C20orf144: variants seen among roughly 807,000 people sequenced by gnomAD.
C20orf144 encodes the protein uncharacterized protein C20orf144.
In C20orf144, 8 loss-of-function variants were observed where a neutral mutation model predicts 3.8. The observed-to-expected ratio is 2.11, with a 90% confidence interval of 1.24 to 3.80. The LOEUF is 3.80. Ranked by LOEUF, C20orf144 falls within the 30% of genes most tolerant of loss-of-function variation. C20orf144 has a pLI of 0.00. For missense variants in C20orf144, 289 were observed against 224.5 expected (o/e 1.29, Z -1.83); for synonymous variants, 126 against 104.1 (o/e 1.21, Z -1.28).
intron 1 of C20orf144, 97 bp from the exon 2 acceptor site, chr20:33,663,435 G>A (rs2017544516): frequency 2.3e-6 from 3 of 1,324,534 alleles, no homozygotes; most frequent in East Asian, 2.7e-5. Flanking sequence ...GACAGGACCC[G>A]GGTGGACGAG....
In C20orf144 at chr20:33,663,820, G is replaced by A; in HGVS notation, c.415G>A (p.Glu139Lys). ...GGCTCCCCGCGAAGCCGGCCCCGCC[G>A]AGGAGCAGCCGCGCAAACGGTGCCG... ...GKAPREAGPA[E>K]EQPRKRCRCP... Residue 139 changes from glutamate to lysine, a missense_variant, in exon 2 of 2, where the codon GAG (glutamate) becomes AAG (lysine). Physicochemically the swap from Glu to Lys is moderately conservative, Grantham distance 56 (BLOSUM62 1). Coordinates refer to ENST00000375222, the MANE Select transcript of C20orf144 (RefSeq NM_080825.4). 3 of 1,357,454 alleles carry A rather than the reference G, an allele frequency of 2.2e-6. No homozygotes were observed. Among genetic ancestry groups the A allele is most frequent in the African/African-American group, 1.6e-5 (1 of 63,254 alleles). 84.1% of individuals were successfully genotyped at this position (1,357,454 alleles called of 1,614,324 possible).
rs915519687 is a variant in C20orf144, at chr20:33,663,348, G to T, written c.127-184G>T. ...TCCGGGGCGCCACGCAGGGAAGGGCGGGCTTCCCCGCGGCCTGAATTGGAC... is the reference window on the plus strand; with the variant it reads ...TCCGGGGCGCCACGCAGGGAAGGGCTGGCTTCCCCGCGGCCTGAATTGGAC... On this transcript the variant is annotated intron_variant, in intron 1 of 1. Coordinates refer to ENST00000375222, the MANE Select transcript of C20orf144 (RefSeq NM_080825.4). The T allele has an allele frequency of 6.5e-6, 4 of 612,756 alleles. No individual in the cohort carries two copies. The East Asian group carries it at 1.3e-4, about 20-fold the overall frequency. 38.0% of individuals were successfully genotyped at this position (612,756 alleles called of 1,614,324 possible).
intron 1 of C20orf144, chr20:33,662,802 G>C (rs2017522558): frequency 3.6e-6 from 1 of 277,406 alleles, no homozygotes; most frequent in Admixed American, 4.9e-5. Context: ...GCTGGTTGTG[G>C]TGGTGAATGC....
At chr20:33,662,680 C>T in intron 1 of C20orf144, 1 of 579,360 alleles carries the variant, frequency 1.7e-6, no homozygotes, top group South Asian at 2.2e-5. Flanking sequence ...TGGCTCACGC[C>T]TGTAATCCCA....
Position 33,662,619 on chromosome 20 carries a change from G to C in C20orf144, c.126+148G>C, listed in dbSNP as rs1298600995. 4.3e-6 allele frequency: 4 copies of C among 939,188 alleles called. No homozygotes were observed. In the South Asian group the frequency reaches 6.8e-5, roughly 16 times the overall value. The allele number at this position is 939,188 out of a possible 1,614,324, so 58.2% of individuals were successfully genotyped here. ...GGAGGAATTCGAAAATCTCTCCCAA[G>C]GATGAGGATCCCAGGAGCCCATATG... is the stretch of plus-strand genomic sequence containing the variant. On this transcript the variant is annotated intron_variant, in intron 1 of 1. Coordinates refer to ENST00000375222, the MANE Select transcript of C20orf144 (RefSeq NM_080825.4).
Position 33,663,637 on chromosome 20 carries a change from C to T in C20orf144, c.232C>T (p.Pro78Ser), listed in dbSNP as rs2122484534. ...SGAGLGSPAA[P>S]RLRGAGEGSE... Reference sequence around the variant, plus strand: ...CGCTGGGCTGGGCTCCCCGGCGGCACCCAGATTGCGCGGAGCGGGCGAAGG... The same window carrying T: ...CGCTGGGCTGGGCTCCCCGGCGGCATCCAGATTGCGCGGAGCGGGCGAAGG... Residue 78 changes from proline (P) to serine (S), a missense_variant, in exon 2 of 2, where the codon CCC becomes TCC. Transcript: ENST00000375222. 6.2e-7 allele frequency: 1 copy of T among 1,607,198 alleles called. No individual in the cohort carries two copies. Among genetic ancestry groups the T allele is most frequent in the Non-Finnish European group, 8.5e-7 (1 of 1,179,058 alleles).
In C20orf144 at chr20:33,663,759, G is replaced by T. The variant is rs763960798; in HGVS notation, c.354G>T (p.Trp118Cys). ...GCGGGGCCAGGGCAGCTCTGAGCTGGCCGCGGCTGCTCTCGCGCTTCCGGT... is the reference window on the plus strand; with the variant it reads ...GCGGGGCCAGGGCAGCTCTGAGCTGTCCGCGGCTGCTCTCGCGCTTCCGGT... ...EEGGARAALSWPRLLSRFRSP... is the reference protein window; with the variant it reads ...EEGGARAALSCPRLLSRFRSP... Residue 118 changes from tryptophan to cysteine, a missense_variant, in exon 2 of 2, where the codon TGG becomes TGT. Physicochemically the swap from Trp to Cys is radical, Grantham distance 215. Transcript: ENST00000375222. 80 of 1,461,012 alleles carry T rather than the reference G, an allele frequency of 5.5e-5. No homozygotes were observed. Among genetic ancestry groups the T allele is most frequent in the Non-Finnish European group, 2.1e-5 (23 of 1,114,876 alleles). 90.5% of individuals were successfully genotyped at this position (1,461,012 alleles called of 1,614,324 possible). A position where few individuals can be genotyped will look rare whatever the true frequency, so the allele number is the denominator to read the frequency against.
chr20:33,663,497 C>G, intron 1 of C20orf144, 35 bp from the exon 2 acceptor site: 1 of 1,587,536 alleles, frequency 6.3e-7, no homozygotes, highest in African/African-American at 1.4e-5. Flanking sequence ...GGCCCTAGCG[C>G]GCTCTCCCGC....
At position 33,662,505 on chromosome 20, in the gene C20orf144, G is replaced by A. The variant is rs149331538; in HGVS notation, c.126+34G>A. ...GGGGGATGGGGAGCAGGGCTGGGGA[G>A]GCAGCTGGGGGGCAGAGAAAGCTGG... On this transcript the variant is annotated intron_variant, in intron 1 of 1. Coordinates refer to ENST00000375222, the MANE Select transcript of C20orf144 (RefSeq NM_080825.4). The A allele has an allele frequency of 1.1e-4, 177 of 1,546,224 alleles. 1 individual carries two copies. In the East Asian group the frequency reaches 3.1e-3, roughly 27 times the overall value.
chr20:33,663,434 C>G lies in C20orf144; in HGVS notation c.127-98C>G, dbSNP rs2017544445. On this transcript the variant is annotated intron_variant, in intron 1 of 1. Transcript: ENST00000375222. ...CAGGACCCGGGTGGACGACAGGACCCGGGTGGACGAGGGTCCCAGGAGAAG... is the reference window on the plus strand; with the variant it reads ...CAGGACCCGGGTGGACGACAGGACCGGGGTGGACGAGGGTCCCAGGAGAAG... 4 of 1,316,384 alleles carry G rather than the reference C, an allele frequency of 3.0e-6. No homozygotes were observed. The African/African-American group carries it at 4.9e-5, about 16-fold the overall frequency. 81.5% of individuals were successfully genotyped at this position (1,316,384 alleles called of 1,614,324 possible). A position where few individuals can be genotyped will look rare whatever the true frequency, so the allele number is the denominator to read the frequency against.
intron 1 of C20orf144, 129 bp from the exon 2 acceptor site, chr20:33,663,400 AGAG>A: frequency 1.0e-6 from 1 of 975,004 alleles, no homozygotes; most frequent in Admixed American, 2.7e-5. Context: ...CCTGTGCACG[AGAG>A]GATGACAGGA....
At position 33,662,376 on chromosome 20, in the gene C20orf144, AAAGCACCC is replaced by A; in HGVS notation, c.37_44del (p.Pro13GlyfsTer8). Reference sequence around the variant, plus strand: ...AAACTATAGTTCCCACAAAAGGACCAAAGCACCCAAGCAGGCCCGCAAGGAGAGGCCGG... The same window carrying A: ...AAACTATAGTTCCCACAAAAGGACCAAAGCAGGCCCGCAAGGAGAGGCCGG... On this transcript the variant is annotated frameshift_variant, in exon 1 of 2. Coordinates refer to ENST00000375222, the MANE Select transcript of C20orf144 (RefSeq NM_080825.4). LOFTEE classifies it high-confidence loss of function. 1 of 1,551,504 alleles carries A rather than the reference AAAGCACCC, an allele frequency of 6.4e-7. No individual in the cohort carries two copies. The highest frequency in any genetic ancestry group is 1.2e-5 in the South Asian group (1 of 84,070).
intron 1 of C20orf144, 64 bp downstream of exon 1, chr20:33,662,535 G>C: frequency 6.6e-7 from 1 of 1,525,848 alleles, no homozygotes; most frequent in Non-Finnish European, 8.9e-7. Context: ...AGCTGGACAA[G>C]TGGGTGGGAA....
In C20orf144 at chr20:33,663,719, G is replaced by A. The variant is rs1445280684; in HGVS notation, c.314G>A (p.Arg105Gln). 11 of 1,542,406 alleles carry A rather than the reference G, an allele frequency of 7.1e-6. No individual in the cohort carries two copies. The highest frequency in any genetic ancestry group is 1.4e-5 in the African/African-American group (1 of 72,382). ...CTGCTGCTGCGGCGGCAAGAGGCGCGGCGGCCGGAAGAGGGCGGGGCCAGG... is the reference window on the plus strand; with the variant it reads ...CTGCTGCTGCGGCGGCAAGAGGCGCAGCGGCCGGAAGAGGGCGGGGCCAGG... ...VLLLLRRQEA[R>Q]RPEEGGARAA... The change falls in exon 2 of 2, where the codon CGG (arginine) becomes CAG (glutamine). Residue 105 changes from arginine (R) to glutamine (Q), a missense_variant. Physicochemically the swap from Arg to Gln is conservative, Grantham distance 43 (BLOSUM62 1). Transcript: ENST00000375222.
chr20:33,662,497 G>A (rs778131605), intron 1 of C20orf144, 26 bp downstream of exon 1: 1 of 1,549,248 alleles, frequency 6.5e-7, no homozygotes, highest in Non-Finnish European at 8.7e-7. Context: ...GGGGAGCAGG[G>A]CTGGGGAGGC....
At position 33,663,667 on chromosome 20, in the gene C20orf144, G is replaced by C. The variant is rs918386274; in HGVS notation, c.262G>C (p.Glu88Gln). Residue 88 changes from glutamate to glutamine, a missense_variant, in exon 2 of 2, where the codon GAG (glutamate) becomes CAG (glutamine). Physicochemically the swap from Glu to Gln is conservative, Grantham distance 29 (BLOSUM62 2). Coordinates refer to ENST00000375222, the MANE Select transcript of C20orf144 (RefSeq NM_080825.4). ...ATTGCGCGGAGCGGGCGAAGGTAGC[G>C]AGCGCGAGCCGAGGATGCCGGTACT... Reference protein sequence around the residue: ...PRLRGAGEGSEREPRMPVLLL... With the variant: ...PRLRGAGEGSQREPRMPVLLL... The C allele has an allele frequency of 1.3e-6, 2 of 1,575,220 alleles. No homozygotes were observed. The highest frequency in any genetic ancestry group is 1.7e-6 in the Non-Finnish European group (2 of 1,168,846).
Position 33,663,855 on chromosome 20 carries a change from C to T in C20orf144, c.450C>T (p.Arg150=). ...EQPRKRCRCP[R]PQL Reference sequence around the variant, plus strand: ...CGCGCAAACGGTGCCGCTGCCCTCGCCCGCAGCTTTAAACGCTTGGCCCGG... The same window carrying T: ...CGCGCAAACGGTGCCGCTGCCCTCGTCCGCAGCTTTAAACGCTTGGCCCGG... Residue 150 remains arginine (R), a synonymous_variant, in exon 2 of 2, where the codon CGC becomes CGT. Transcript: ENST00000375222. The T allele has an allele frequency of 1.4e-6, 2 of 1,402,566 alleles. No individual in the cohort carries two copies. The highest frequency in any genetic ancestry group is 1.8e-6 in the Non-Finnish European group (2 of 1,088,898). The allele number at this position is 1,402,566 out of a possible 1,614,324, so 86.9% of individuals were successfully genotyped here. A position where few individuals can be genotyped will look rare whatever the true frequency, so the allele number is the denominator to read the frequency against.
At chr20:33,662,957 C>G (rs1289293583) in intron 1 of C20orf144, among the ~76,000 whole-genome samples, 2 of 152,150 alleles carry the variant, frequency 1.3e-5, no homozygotes, top group African/African-American at 2.4e-5. Flanking sequence ...AAAAAAAGCC[C>G]AGAAGGGAGG....
chr20:33,663,425 G>A (rs1428648209), intron 1 of C20orf144, 107 bp from the exon 2 acceptor site: 9 of 1,229,500 alleles, frequency 7.3e-6, no homozygotes, highest in Non-Finnish European at 9.9e-6. Context: ...CCGGGTGGAC[G>A]ACAGGACCCG....
Sources: allele counts gnomAD v4.1 joint callset (sites outside exome capture counted in the v4.1 genomes callset), GRCh38; gene constraint gnomAD v4.1.1; transcripts MANE v1.5; gene names NCBI Gene and HGNC (gene_info 2026-07-23, HGNC 2026-07-21).